The following SGCZ variants were observed in gnomAD, a reference collection of about 807,000 sequenced individuals.
The protein encoded by SGCZ is sarcoglycan zeta.
In SGCZ, 40 loss-of-function variants were observed where a neutral mutation model predicts 41.3. The ratio of observed to expected loss-of-function variants is 0.97; its 90% CI spans 0.75 to 1.26. The LOEUF is 1.26. SGCZ is among the 50% of genes most tolerant of loss of function. The probability of loss-of-function intolerance (pLI) is 0.00; values close to 1 mark genes in which losing one functional copy is unlikely to be tolerated. For missense variants in SGCZ, 552 were observed against 369.8 expected (o/e 1.49, Z -4.04); for synonymous variants, 206 against 137.5 (o/e 1.50, Z -3.49).
chr8:15,014,483 T>G (rs1477159032), intron 1 of SGCZ, among the ~76,000 whole-genome samples: 1 of 152,232 alleles, frequency 6.6e-6, no homozygotes, highest in East Asian at 1.9e-4. Flanking sequence ...AAAGAGTTAC[T>G]TTATACCTTC....
At chr8:14,447,735 G>A (rs1301395424) in intron 2 of SGCZ, among the ~76,000 whole-genome samples, 1 of 152,144 alleles carries the variant, frequency 6.6e-6, no homozygotes, top group Non-Finnish European at 1.5e-5. Flanking sequence ...AAAATAAGTA[G>A]CCAGTGGAAT....
At chr8:14,252,685 G>C (rs1246430528) in intron 3 of SGCZ, among the ~76,000 whole-genome samples, 1 of 152,106 alleles carries the variant, frequency 6.6e-6, no homozygotes, top group African/African-American at 2.4e-5. Context: ...CGAGGGGGCA[G>C]GACAAAATTT....
chr8:14,425,614 C>T (rs1030357960), intron 2 of SGCZ, among the ~76,000 whole-genome samples: 1 of 147,138 alleles, frequency 6.8e-6, no homozygotes, highest in Non-Finnish European at 1.5e-5. Context: ...GAGGGAGAAT[C>T]CCTCTCAAAA....
At chr8:14,507,797 G>C (rs531998414) in intron 2 of SGCZ, among the ~76,000 whole-genome samples, 1 of 146,216 alleles carries the variant, frequency 6.8e-6, no homozygotes, top group South Asian at 2.2e-4. Context: ...TCGAGATGGA[G>C]TTTCGTTCTT....
intron 1 of SGCZ, among the ~76,000 whole-genome samples, chr8:14,872,961 G>T (rs575489453): frequency 6.6e-6 from 1 of 152,236 alleles, no homozygotes; most frequent in Admixed American, 6.5e-5. Flanking sequence ...GAAGTCAAAC[G>T]TTTAACTTGA....
At chr8:15,001,064 A>G (rs75863873) in intron 1 of SGCZ, among the ~76,000 whole-genome samples, 3,391 of 152,278 alleles carry the variant, frequency 0.022, 146 homozygotes, top group African/African-American at 0.077. Flanking sequence ...GCTGAGTGAC[A>G]CTGCTGGGGC....
chr8:14,100,230 C>G (rs900490260), intron 7 of SGCZ, among the ~76,000 whole-genome samples: 2 of 151,098 alleles, frequency 1.3e-5, no homozygotes, highest in African/African-American at 4.9e-5. Flanking sequence ...ATTTACAGCA[C>G]AATACTCATT....
chr8:14,846,710 A>C (rs370571377), intron 1 of SGCZ, among the ~76,000 whole-genome samples: 1,359 of 73,604 alleles, frequency 0.018, 14 homozygotes, highest in African/African-American at 0.026. Flanking sequence ...ATCCAAAAAA[A>C]AAAAAAAAAA....
At chr8:14,141,250 G>A (rs1384369441) in intron 5 of SGCZ, among the ~76,000 whole-genome samples, 1 of 152,178 alleles carries the variant, frequency 6.6e-6, no homozygotes, top group Non-Finnish European at 1.5e-5. Flanking sequence ...TCAGGACACA[G>A]GCATGGGCAA....
intron 1 of SGCZ, among the ~76,000 whole-genome samples, chr8:14,791,197 T>A (rs1340953904): frequency 6.6e-6 from 1 of 152,130 alleles, no homozygotes; most frequent in Non-Finnish European, 1.5e-5. Context: ...TAATTATTTT[T>A]CCAAAATCTA....
At chr8:15,032,742 C>T (rs1422050534) in intron 1 of SGCZ, among the ~76,000 whole-genome samples, 1 of 152,098 alleles carries the variant, frequency 6.6e-6, no homozygotes, top group South Asian at 2.1e-4. Flanking sequence ...ACTACTTTGG[C>T]CCCCACAGCC....
At chr8:14,734,586 G>A (rs539307961) in intron 1 of SGCZ, among the ~76,000 whole-genome samples, 64 of 152,094 alleles carry the variant, frequency 4.2e-4, no homozygotes, top group Admixed American at 1.3e-3. Context: ...ATAGAATATT[G>A]AAGGAATATT....
chr8:14,274,026 G>T (rs951912146), intron 3 of SGCZ, among the ~76,000 whole-genome samples: 2 of 152,040 alleles, frequency 1.3e-5, no homozygotes, highest in African/African-American at 4.8e-5. Flanking sequence ...ATAGGCTTCA[G>T]TGTAAAATTC....
At chr8:15,144,230 A>G (rs1400527565) in intron 1 of SGCZ, among the ~76,000 whole-genome samples, 2 of 152,204 alleles carry the variant, frequency 1.3e-5, no homozygotes. Flanking sequence ...GTTCTTGGCA[A>G]AGGTTCAGAC....
intron 3 of SGCZ, among the ~76,000 whole-genome samples, chr8:14,246,905 A>G (rs184473240): frequency 0.059 from 4,392 of 74,692 alleles, 88 homozygotes; most frequent in African/African-American, 0.082. Flanking sequence ...ATGAGACTCC[A>G]TCTCAAAAAA....
At chr8:14,335,983 T>C (rs1405642474) in intron 2 of SGCZ, among the ~76,000 whole-genome samples, 1 of 152,096 alleles carries the variant, frequency 6.6e-6, no homozygotes, top group East Asian at 1.9e-4. Flanking sequence ...ACTCATGTCA[T>C]AGGGGTTTGT....
intron 2 of SGCZ, among the ~76,000 whole-genome samples, chr8:14,454,487 A>C: frequency 1.3e-5 from 2 of 152,324 alleles, no homozygotes; most frequent in African/African-American, 2.4e-5. Context: ...TAATTCATTT[A>C]ATGAATTAAG....
At chr8:14,982,592 C>T (rs1309223280) in intron 1 of SGCZ, among the ~76,000 whole-genome samples, 1 of 152,164 alleles carries the variant, frequency 6.6e-6, no homozygotes, top group East Asian at 1.9e-4. Flanking sequence ...AAACAAGAGG[C>T]ACAGTACTTC....
rs548118288 is a variant in SGCZ, at chr8:14,247,452, T to G, written c.337-9773A>C. Reference sequence around the variant, plus strand: ...GAATCTGGGGTAATCTATCACTTCCTGTATCAGTCAAAAACCTCCAACTCC... The same window carrying G: ...GAATCTGGGGTAATCTATCACTTCCGGTATCAGTCAAAAACCTCCAACTCC... On this transcript the variant is annotated intron_variant, in intron 3 of 7. Coordinates refer to ENST00000382080, the MANE Select transcript of SGCZ (RefSeq NM_139167.4). Among the ~76,000 whole-genome samples, 7 of 152,316 alleles carry G rather than the reference T, an allele frequency of 4.6e-5. No homozygotes were observed. The South Asian group carries it at 1.5e-3, about 32-fold the overall frequency.
Sources: allele counts gnomAD v4.1 joint callset (sites outside exome capture counted in the v4.1 genomes callset), GRCh38; gene constraint gnomAD v4.1.1; transcripts MANE v1.5; gene names NCBI Gene and HGNC (gene_info 2026-07-23, HGNC 2026-07-21).